The following GALNTL6 variants were observed in gnomAD, a reference collection of about 807,000 sequenced individuals.
GALNTL6 encodes polypeptide N-acetylgalactosaminyltransferase-like 6.
GALNTL6 carries 46 observed loss-of-function variants against 73.7 expected under a neutral mutation model. The observed-to-expected ratio is 0.62, with a 90% CI of 0.49 to 0.80. The LOEUF (loss-of-function observed/expected upper bound fraction) is 0.80, where lower values mean the gene tolerates loss of function less well. GALNTL6 is among the 30% of genes least tolerant of loss of function. The probability of loss-of-function intolerance (pLI) is 0.00; values close to 1 mark genes in which losing one functional copy is unlikely to be tolerated. For synonymous variants in GALNTL6, 259 were observed against 263.7 expected (o/e 0.98, Z 0.17); for missense variants, 604 against 755.0 (o/e 0.80, Z 2.34).
intron 5 of GALNTL6, among the ~76,000 whole-genome samples, chr4:172,731,530 A>G (rs982798173): frequency 6.6e-6 from 1 of 151,696 alleles, no homozygotes; most frequent in African/African-American, 2.4e-5. Context: ...TACATTTTTT[A>G]GTCTTAATTT....
intron 3 of GALNTL6, among the ~76,000 whole-genome samples, chr4:172,263,319 A>T (rs2111040025): frequency 6.6e-6 from 1 of 151,224 alleles, no homozygotes; most frequent in South Asian, 2.1e-4. Flanking sequence ...ACTTTTTAAA[A>T]TTTATTTTCT....
chr4:172,334,531 T>C (rs1741241408), intron 4 of GALNTL6, among the ~76,000 whole-genome samples: 1 of 152,136 alleles, frequency 6.6e-6, no homozygotes, highest in African/African-American at 2.4e-5. Flanking sequence ...TCTCGATTTC[T>C]TCTTTGGTGT....
intron 9 of GALNTL6, among the ~76,000 whole-genome samples, chr4:172,946,748 C>T (rs929507212): frequency 1.3e-5 from 2 of 152,140 alleles, no homozygotes; most frequent in African/African-American, 2.4e-5. Context: ...TTGTGACACA[C>T]AAAGAACCAC....
intron 2 of GALNTL6, among the ~76,000 whole-genome samples, chr4:172,184,253 C>T (rs1735349665): frequency 6.6e-6 from 1 of 152,088 alleles, no homozygotes; most frequent in South Asian, 2.1e-4. Context: ...TGGGTATTTC[C>T]TAAGTTCAGC....
At chr4:172,456,551 G>C (rs1332956900) in intron 5 of GALNTL6, among the ~76,000 whole-genome samples, 1 of 151,734 alleles carries the variant, frequency 6.6e-6, no homozygotes, top group East Asian at 2.0e-4. Flanking sequence ...ACTTTGTGAA[G>C]CATTCACAAG....
At chr4:172,989,520 G>T (rs981399553) in intron 10 of GALNTL6, among the ~76,000 whole-genome samples, 7 of 152,174 alleles carry the variant, frequency 4.6e-5, no homozygotes, top group African/African-American at 1.7e-4. Flanking sequence ...ATGTCAAATT[G>T]TAATCCCTAG....
At chr4:172,869,967 C>T (rs566446284) in intron 7 of GALNTL6, among the ~76,000 whole-genome samples, 6 of 152,224 alleles carry the variant, frequency 3.9e-5, no homozygotes, top group East Asian at 3.9e-4. Flanking sequence ...TAACTTCTTT[C>T]GTTTCCTAAT....
intron 2 of GALNTL6, among the ~76,000 whole-genome samples, chr4:172,028,886 A>T (rs1249254239): frequency 6.6e-6 from 1 of 152,074 alleles, no homozygotes; most frequent in Non-Finnish European, 1.5e-5. Flanking sequence ...TAATAATTTT[A>T]CACATTTTTC....
At chr4:171,863,273 T>A (rs1349896301) in intron 2 of GALNTL6, among the ~76,000 whole-genome samples, 1 of 152,182 alleles carries the variant, frequency 6.6e-6, no homozygotes, top group African/African-American at 2.4e-5. Flanking sequence ...AATAAACATA[T>A]TTTTTATGAT....
At chr4:172,191,046 T>C (rs1415994852) in intron 2 of GALNTL6, among the ~76,000 whole-genome samples, 1 of 152,222 alleles carries the variant, frequency 6.6e-6, no homozygotes, top group Non-Finnish European at 1.5e-5. Context: ...CCACCCTATG[T>C]GTTGATGACT....
intron 2 of GALNTL6, among the ~76,000 whole-genome samples, chr4:171,982,355 T>C (rs1014635102): frequency 5.3e-5 from 8 of 152,144 alleles, no homozygotes; most frequent in African/African-American, 1.4e-4. Context: ...TGGAGTGCAG[T>C]GGCGCGATCT....
At position 172,055,614 on chromosome 4, in the gene GALNTL6, G is replaced by A. The variant is rs140166192; in HGVS notation, c.139-174042G>A. Among the ~76,000 whole-genome samples the A allele has an allele frequency of 5.4e-3, 817 of 152,158 alleles. 7 individuals carry two copies. Among genetic ancestry groups the A allele is most frequent in the African/African-American group, 0.018 (742 of 41,526 alleles). On this transcript the variant is annotated intron_variant, in intron 2 of 12. Transcript: ENST00000506823. ...GAAGTCCAGAGCAAATCCAAAGTCC[G>A]TTTAGTCAACCAGACATTGCAAATG...
At position 172,395,836 on chromosome 4, in the gene GALNTL6, C is replaced by A. The variant is rs532731224; in HGVS notation, c.553+47147C>A. Among the ~76,000 whole-genome samples, 3 of 152,230 alleles carry A rather than the reference C, an allele frequency of 2.0e-5. No individual in the cohort carries two copies. In the South Asian group the frequency reaches 6.2e-4, roughly 32 times the overall value. ...AATTTTAGTGGAAATCAACCGGCAACATTAATTAATTAATGTATAATTAAC... is the reference window on the plus strand; with the variant it reads ...AATTTTAGTGGAAATCAACCGGCAAAATTAATTAATTAATGTATAATTAAC... On this transcript the variant is annotated intron_variant, in intron 5 of 12. Coordinates refer to ENST00000506823, the MANE Select transcript of GALNTL6 (RefSeq NM_001034845.3).
At chr4:172,798,357 T>C (rs1178886807) in intron 5 of GALNTL6, among the ~76,000 whole-genome samples, 1 of 152,160 alleles carries the variant, frequency 6.6e-6, no homozygotes, top group Non-Finnish European at 1.5e-5. Flanking sequence ...CATGAATGGT[T>C]TAGCACGATG....
rs959896592 is a variant in GALNTL6, at chr4:172,122,905, T to C, written c.139-106751T>C. On this transcript the variant is annotated intron_variant, in intron 2 of 12. Coordinates refer to ENST00000506823, the MANE Select transcript of GALNTL6 (RefSeq NM_001034845.3). ...TGGAGAAATCCAGAAGAATTCAGGATCTAGTCAGTTTATAGTAGGTAATAA... is the reference window on the plus strand; with the variant it reads ...TGGAGAAATCCAGAAGAATTCAGGACCTAGTCAGTTTATAGTAGGTAATAA... Among the ~76,000 whole-genome samples the C allele has an allele frequency of 2.6e-5, 4 of 152,238 alleles. No homozygotes were observed. The East Asian group carries it at 7.7e-4, about 29-fold the overall frequency.
intron 10 of GALNTL6, among the ~76,000 whole-genome samples, chr4:172,984,680 G>A (rs1751218554): frequency 6.6e-6 from 1 of 151,998 alleles, no homozygotes; most frequent in African/African-American, 2.4e-5. Context: ...TCACTGTCTG[G>A]GTGACAGGAT....
At chr4:172,536,491 G>A (rs1735349834) in intron 5 of GALNTL6, among the ~76,000 whole-genome samples, 1 of 152,130 alleles carries the variant, frequency 6.6e-6, no homozygotes, top group Non-Finnish European at 1.5e-5. Context: ...GATGAGGAAT[G>A]TTTTGGGAAG....
chr4:172,833,746 T>G (rs548633805), intron 7 of GALNTL6, among the ~76,000 whole-genome samples: 141 of 152,246 alleles, frequency 9.3e-4, no homozygotes, highest in African/African-American at 3.3e-3. Context: ...GGAGTTACAG[T>G]GAAAGTCTCA....
At chr4:172,065,854 C>T (rs1731344503) in intron 2 of GALNTL6, among the ~76,000 whole-genome samples, 1 of 152,082 alleles carries the variant, frequency 6.6e-6, no homozygotes, top group African/African-American at 2.4e-5. Flanking sequence ...AGGGAGAAGC[C>T]CCTTATACAA....
Sources: allele counts gnomAD v4.1 joint callset (sites outside exome capture counted in the v4.1 genomes callset), GRCh38; gene constraint gnomAD v4.1.1; transcripts MANE v1.5; gene names NCBI Gene and HGNC (gene_info 2026-07-23, HGNC 2026-07-21).